Variants in ACTR6 observed in about 807,000 individuals in gnomAD.
The protein encoded by ACTR6 is actin related protein 6.
ACTR6 carries 50 observed loss-of-function variants against 52.5 expected under a neutral mutation model. That is an observed-to-expected ratio of 0.95 (90% CI 0.76 to 1.20). The LOEUF is 1.20. Among genes scored for constraint, ACTR6 ranks in the 50% most tolerant of loss-of-function variants. ACTR6 has a pLI of 0.00. For synonymous variants in ACTR6, 135 were observed against 147.2 expected, an observed-to-expected ratio of 0.92 and a Z score of 0.60; for missense variants, 344 against 472.4, an observed-to-expected ratio of 0.73 and a Z score of 2.52.
At chr12:100,201,052 T>C in intron 1 of ACTR6, 133 bp downstream of exon 1, 1 of 1,533,176 alleles carries the variant, frequency 6.5e-7, no homozygotes, top group Non-Finnish European at 8.8e-7. Flanking sequence ...ATTCCCTGGT[T>C]GGAGCTGGGT....
chr12:100,204,945 T>C lies in ACTR6; in HGVS notation c.74T>C (p.Ile25Thr). 3 of 1,595,414 alleles carry C rather than the reference T, an allele frequency of 1.9e-6. No individual in the cohort carries two copies. The highest frequency in any genetic ancestry group is 2.6e-6 in the Non-Finnish European group (3 of 1,165,516). The stretch of plus-strand genomic sequence containing the variant: ...ATTTGTTTCCTTGTTTCTAGGGTTA[T>C]TCCTAATTGTCAGTTCCGGTCAAAA... ...IGYSHENVSVIPNCQFRSKTA... is the reference protein window; with the variant it reads ...IGYSHENVSVTPNCQFRSKTA... Residue 25 changes from isoleucine (I) to threonine (T), a missense_variant, in exon 2 of 11, where the codon ATT (isoleucine) becomes ACT (threonine). Physicochemically the swap from Ile to Thr is moderately conservative, Grantham distance 89 (BLOSUM62 -1). Transcript: ENST00000188312.
chr12:100,203,151 C>G (rs948967474), intron 1 of ACTR6, among the ~76,000 whole-genome samples: 1 of 152,190 alleles, frequency 6.6e-6, no homozygotes, highest in Admixed American at 6.5e-5. Flanking sequence ...GCTTACGGCC[C>G]CACCCTCCTT....
intron 1 of ACTR6, among the ~76,000 whole-genome samples, chr12:100,204,584 C>T (rs142369691): frequency 0.011 from 1,749 of 152,244 alleles, 102 homozygotes; most frequent in Admixed American, 0.095. Context: ...AGGCTGGTCT[C>T]GAACTCCTGA....
At chr12:100,222,291 C>T (rs1298220566) in intron 10 of ACTR6, among the ~76,000 whole-genome samples, 1 of 145,536 alleles carries the variant, frequency 6.9e-6, no homozygotes, top group Non-Finnish European at 1.5e-5. Flanking sequence ...CACAGTCTCG[C>T]TCTGTTACCA....
At chr12:100,219,985 C>T (rs1488533642) in intron 9 of ACTR6, 23 bp from the exon 10 acceptor site, 6 of 1,606,304 alleles carry the variant, frequency 3.7e-6, no homozygotes, top group Admixed American at 3.4e-5. Context: ...TTTTCCTTTC[C>T]TTCTCCTTTT....
chr12:100,210,255 T>C lies in ACTR6; in HGVS notation c.516-40T>C, dbSNP rs1270818901. On this transcript the variant is annotated intron_variant, in intron 5 of 10. Transcript: ENST00000188312. ...TGTTGTTTCTAAAGATTAAACAGAA[T>C]GATATGTGCGATAATTAAATTTGAG... is the stretch of plus-strand genomic sequence containing the variant. 9 of 1,608,344 alleles carry C rather than the reference T, an allele frequency of 5.6e-6. No individual in the cohort carries two copies. In the South Asian group the frequency reaches 1.0e-4, roughly 18 times the overall value.
intron 4 of ACTR6, 71 bp downstream of exon 4, chr12:100,207,857 C>G: frequency 6.6e-7 from 1 of 1,521,068 alleles, no homozygotes; most frequent in Non-Finnish European, 9.0e-7. Context: ...TCATAAAGTC[C>G]CAAAATATTA....
Position 100,219,991 on chromosome 12 carries a change from CT to C in ACTR6, c.923-13del, listed in dbSNP as rs2096126829. 6.2e-7 allele frequency: 1 copy of C among 1,610,560 alleles called. No homozygotes were observed. The highest frequency in any genetic ancestry group is 8.5e-7 in the Non-Finnish European group (1 of 1,178,752). On this transcript the variant is annotated splice_polypyrimidine_tract_variant and intron_variant, in intron 9 of 10. Transcript: ENST00000188312. The stretch of plus-strand genomic sequence containing the variant: ...TAATGCCTTTTTTCCTTTCCTTCTC[CT>C]TTTCTTCTTTTAAAGAAATGCAGCC...
intron 9 of ACTR6, among the ~76,000 whole-genome samples, chr12:100,219,093 A>C (rs538192876): frequency 6.7e-6 from 1 of 150,336 alleles, no homozygotes; most frequent in Admixed American, 6.7e-5. Flanking sequence ...GTACTTTACT[A>C]TCTCCCTGGT....
Position 100,200,930 on chromosome 12 carries a change from T to C in ACTR6, c.68+11T>C, listed in dbSNP as rs771771409. 13 of 1,613,986 alleles carry C rather than the reference T, an allele frequency of 8.1e-6. No homozygotes were observed. Among genetic ancestry groups the C allele is most frequent in the Non-Finnish European group, 1.1e-5 (13 of 1,179,978 alleles). On this transcript the variant is annotated intron_variant, in intron 1 of 10. Transcript: ENST00000188312. ...CCATGAAAATGTGTCGTAAGTACTT[T>C]CTTTCTCCGAGGGACAAGATATATA...
intron 6 of ACTR6, among the ~76,000 whole-genome samples, chr12:100,211,485 C>G (rs2096119865): frequency 6.6e-6 from 1 of 152,126 alleles, no homozygotes; most frequent in South Asian, 2.1e-4. Flanking sequence ...GTTGCCCAAG[C>G]TGGCCTTAAA....
At chr12:100,222,614 C>T (rs192696976) in intron 10 of ACTR6, among the ~76,000 whole-genome samples, 174 of 152,098 alleles carry the variant, frequency 1.1e-3, no homozygotes, top group African/African-American at 3.7e-3. Context: ...TAGCTCACTG[C>T]AACTTTGAAC....
chr12:100,220,915 A>T (rs1161794517), intron 10 of ACTR6, among the ~76,000 whole-genome samples: 2 of 150,998 alleles, frequency 1.3e-5, no homozygotes, highest in East Asian at 4.0e-4. Flanking sequence ...TGAGCCCAGG[A>T]GGTGGAGGTT....
intron 1 of ACTR6, among the ~76,000 whole-genome samples, chr12:100,204,685 G>C (rs1431454073): frequency 2.0e-5 from 3 of 152,112 alleles, no homozygotes; most frequent in Non-Finnish European, 4.4e-5. Context: ...TTTTTGTAGA[G>C]ACAGGTTCTG....
Position 100,205,681 on chromosome 12 carries a change from C to T in ACTR6, c.192C>T (p.Tyr64=), listed in dbSNP as rs780573802. 4.0e-6 allele frequency: 6 copies of T among 1,510,870 alleles called. No individual in the cohort carries two copies. The highest frequency in any genetic ancestry group is 2.2e-5 in the Admixed American group (1 of 45,286). The allele number at this position is 1,510,870 out of a possible 1,614,324, so 93.6% of individuals were successfully genotyped here. ...TTTATAAAAACATTTTTTAGGGCTA[C>T]TTGGTGAATTGGGATGTTCAGAGAC... The part of the protein sequence containing the change: ...LFYILPFQKG[Y]LVNWDVQRQV... Residue 64 remains tyrosine (Y), a synonymous_variant, in exon 3 of 11, where the codon TAC becomes TAT. Coordinates refer to ENST00000188312, the MANE Select transcript of ACTR6 (RefSeq NM_022496.5).
At chr12:100,208,408 T>A (rs1226513445) in intron 4 of ACTR6, among the ~76,000 whole-genome samples, 1 of 151,982 alleles carries the variant, frequency 6.6e-6, no homozygotes, top group African/African-American at 2.4e-5. Flanking sequence ...CCCAAGTAGC[T>A]GGGATTACAG....
At chr12:100,207,986 C>A in intron 4 of ACTR6, 200 bp downstream of exon 4, 1 of 435,262 alleles carries the variant, frequency 2.3e-6, no homozygotes, top group South Asian at 2.3e-5. Flanking sequence ...ATGGTGAAAC[C>A]CTGTCTCTAC....
chr12:100,209,804 TG>T (rs2096118353), intron 4 of ACTR6, among the ~76,000 whole-genome samples: 1 of 152,252 alleles, frequency 6.6e-6, no homozygotes, highest in South Asian at 2.1e-4. Flanking sequence ...AATGAGCTGC[TG>T]TTGTAGTAAT....
intron 2 of ACTR6, 132 bp from the exon 3 acceptor site, chr12:100,205,544 G>A (rs1013650990): frequency 1.8e-5 from 10 of 570,072 alleles, no homozygotes; most frequent in Non-Finnish European, 2.6e-5. Context: ...GCATTACACT[G>A]GAAATGGTAA....
Sources: gnomAD v4.1 joint callset for allele counts (sites outside exome capture counted in the v4.1 genomes callset) on GRCh38, gnomAD v4.1.1 for gene constraint, MANE v1.5 for transcripts, NCBI Gene and HGNC (gene_info 2026-07-23, HGNC 2026-07-21) for gene names.